MED12L: variants seen among roughly 807,000 people sequenced by gnomAD.
MED12L encodes the protein mediator complex subunit 12L.
Under a neutral mutation model 281.3 loss-of-function variants are expected in MED12L, and 60 were observed. That is an observed-to-expected ratio of 0.21 (90% confidence interval 0.17 to 0.26). MED12L has a LOEUF of 0.26. MED12L is among the 10% of genes least tolerant of loss of function. The pLI, the probability that MED12L is intolerant of heterozygous loss-of-function variation, is 1.00. For synonymous variants in MED12L, 974 were observed against 987.2 expected (o/e 0.99, Z 0.25); for missense variants, 2,146 against 2,680.9 (o/e 0.80, Z 4.41).
At chr3:151,213,653 G>A (rs768110075) in intron 16 of MED12L, 7 of 1,614,118 alleles carry the variant, frequency 4.3e-6, no homozygotes, top group Admixed American at 1.7e-5. Flanking sequence ...GTGGAATTCC[G>A]ACTTGACTTA....
chr3:151,211,333 C>T (rs763084869), intron 16 of MED12L, among the ~76,000 whole-genome samples: 2 of 151,376 alleles, frequency 1.3e-5, no homozygotes, highest in Admixed American at 1.3e-4. Flanking sequence ...TTTGTCCTGG[C>T]CAATGTAAGT....
intron 36 of MED12L, among the ~76,000 whole-genome samples, chr3:151,386,107 A>G (rs1487528183): frequency 6.6e-6 from 1 of 152,214 alleles, no homozygotes; most frequent in African/African-American, 2.4e-5. Flanking sequence ...AAATTGTGGT[A>G]CAAATAAAGG....
chr3:151,150,072 A>G (rs1380336244), intron 5 of MED12L, among the ~76,000 whole-genome samples: 1 of 152,170 alleles, frequency 6.6e-6, no homozygotes, highest in African/African-American at 2.4e-5. Flanking sequence ...CACATGAATC[A>G]CAAGTGTTCT....
At chr3:151,151,031 C>CTTTTTTTTTTGTTTTTTTTTTTTTTTTT (rs1718405072) in intron 5 of MED12L, among the ~76,000 whole-genome samples, 1 of 32,880 alleles carries the variant, frequency 3.0e-5, no homozygotes, top group African/African-American at 1.2e-4. Flanking sequence ...GCTGAAGTAG[C>CTTTTTTTTTTGTTTTTTTTTTTTTTTTT]TTTTTTTTTT....
intron 16 of MED12L, among the ~76,000 whole-genome samples, chr3:151,263,763 A>ACC (rs140276177): frequency 6.6e-6 from 1 of 151,740 alleles, no homozygotes; most frequent in South Asian, 2.1e-4. Context: ...TTCCCGTACC[A>ACC]CCCCCCCCAC....
At chr3:151,291,361 T>G (rs1210252836) in intron 16 of MED12L, among the ~76,000 whole-genome samples, 1 of 152,176 alleles carries the variant, frequency 6.6e-6, no homozygotes, top group Non-Finnish European at 1.5e-5. Context: ...TTATACAATT[T>G]CAAATTGAGG....
At chr3:151,281,878 C>A (rs1349522993) in intron 16 of MED12L, among the ~76,000 whole-genome samples, 1 of 152,180 alleles carries the variant, frequency 6.6e-6, no homozygotes, top group Admixed American at 6.5e-5. Flanking sequence ...ATGAGTTTAA[C>A]ACACGTAATC....
At position 151,436,440 on chromosome 3, in the gene MED12L, T is replaced by TTTG. The variant is rs1291712130; in HGVS notation, c.*3639_*3641dup. 5 of 357,726 alleles carry TTTG rather than the reference T, an allele frequency of 1.4e-5. No individual in the cohort carries two copies. The Admixed American group carries it at 2.2e-4, about 16-fold the overall frequency. 22.2% of individuals were successfully genotyped at this position (357,726 alleles called of 1,614,324 possible). ...TATTTTATAGTGAACCGTTTCAATGTTTGTTTATTGTTATTTGTTGGCAAA... is the reference window on the plus strand; with the variant it reads ...TATTTTATAGTGAACCGTTTCAATGTTTGTTGTTTATTGTTATTTGTTGGCAAA... On this transcript the variant is annotated 3_prime_UTR_variant, in exon 45 of 45. Coordinates refer to ENST00000687756, the MANE Select transcript of MED12L (RefSeq NM_001393769.1).
At chr3:151,380,905 C>T (rs531969635) in intron 32 of MED12L, among the ~76,000 whole-genome samples, 172 of 152,288 alleles carry the variant, frequency 1.1e-3, no homozygotes, top group African/African-American at 3.5e-3. Flanking sequence ...TTATCAGGCA[C>T]GCTTTCAGCT....
chr3:151,198,440 T>C (rs1725005596), intron 16 of MED12L: 1 of 1,606,718 alleles, frequency 6.2e-7, no homozygotes, highest in Non-Finnish European at 8.5e-7. Flanking sequence ...TGCATTATTT[T>C]CACATCTTAA....
rs143914115 is a variant in MED12L, at chr3:151,112,627, A to C, written c.100-3711A>C. Among the ~76,000 whole-genome samples the C allele has an allele frequency of 9.9e-4, 150 of 152,278 alleles. 1 individual carries two copies. Among genetic ancestry groups the C allele is most frequent in the African/African-American group, 3.5e-3 (144 of 41,560 alleles). Reference sequence around the variant, plus strand: ...TTTTAAGTTACTTTCCTTTTTAAAAATTTTAGAACGAGAGCATTATATTGA... The same window carrying C: ...TTTTAAGTTACTTTCCTTTTTAAAACTTTTAGAACGAGAGCATTATATTGA... On this transcript the variant is annotated intron_variant, in intron 2 of 44. Transcript: ENST00000687756.
At chr3:151,397,178 A>G (rs1169102603) in intron 39 of MED12L, among the ~76,000 whole-genome samples, 3 of 152,142 alleles carry the variant, frequency 2.0e-5, no homozygotes, top group African/African-American at 7.2e-5. Context: ...TCAAATAGTA[A>G]AAGCTCCACT....
rs536433348 is a variant in MED12L at position 151,265,350 on chromosome 3, G to A, written c.2250+71684G>A. 7.4e-4 allele frequency among the ~76,000 whole-genome samples: 113 copies of A among 152,322 alleles called. 1 individual carries two copies. The highest frequency in any genetic ancestry group is 1.4e-3 in the Non-Finnish European group (97 of 68,038). ...AAAACTGTTGAGTTTATTTTTCCCA[G>A]CACAGACGTGGAATTTCTGAGAATT... On this transcript the variant is annotated intron_variant, in intron 16 of 44. Coordinates refer to ENST00000687756, the MANE Select transcript of MED12L (RefSeq NM_001393769.1).
intron 16 of MED12L, among the ~76,000 whole-genome samples, chr3:151,242,950 C>T (rs1349340853): frequency 1.7e-4 from 25 of 151,254 alleles, no homozygotes; most frequent in Admixed American, 7.2e-4. Flanking sequence ...AACCAAGGCT[C>T]GAGAACTACG....
At chr3:151,276,754 C>A (rs775506334) in intron 16 of MED12L, among the ~76,000 whole-genome samples, 1 of 152,178 alleles carries the variant, frequency 6.6e-6, no homozygotes, top group Non-Finnish European at 1.5e-5. Context: ...GATAGTCACA[C>A]CCTCTGTACC....
chr3:151,180,301 T>C (rs1337347022), intron 11 of MED12L, among the ~76,000 whole-genome samples: 1 of 152,166 alleles, frequency 6.6e-6, no homozygotes, highest in Admixed American at 6.5e-5. Flanking sequence ...CAGATGTCAG[T>C]AAGTTGGGAC....
intron 16 of MED12L, chr3:151,295,409 C>T: frequency 1.8e-6 from 1 of 564,668 alleles, no homozygotes. Context: ...TACCCTGCCT[C>T]CCTCATATCA....
At chr3:151,106,043 A>G (rs1421940186) in intron 2 of MED12L, among the ~76,000 whole-genome samples, 1 of 151,656 alleles carries the variant, frequency 6.6e-6, no homozygotes, top group Non-Finnish European at 1.5e-5. Flanking sequence ...TACTTCCACC[A>G]CCACCATCTT....
intron 16 of MED12L, among the ~76,000 whole-genome samples, chr3:151,255,179 T>C (rs1007729751): frequency 6.6e-6 from 1 of 152,140 alleles, no homozygotes; most frequent in Non-Finnish European, 1.5e-5. Context: ...ACCAATTTCA[T>C]GTAAGAAGGA....
Sources: gnomAD v4.1 joint callset for allele counts (sites outside exome capture counted in the v4.1 genomes callset) on GRCh38, gnomAD v4.1.1 for gene constraint, MANE v1.5 for transcripts, NCBI Gene and HGNC (gene_info 2026-07-23, HGNC 2026-07-21) for gene names.